Variants in LMO1 observed in about 807,000 individuals in gnomAD.
LMO1 encodes rhombotin-1.
LMO1 carries 10 observed loss-of-function variants against 18.0 expected under a neutral mutation model. The observed-to-expected ratio is 0.55, with a 90% CI of 0.34 to 0.94. The LOEUF (loss-of-function observed/expected upper bound fraction) is 0.94. Among genes scored for constraint, LMO1 ranks in the 40% least tolerant of loss-of-function variants. The pLI, the probability that LMO1 is intolerant of heterozygous loss-of-function variation, is 0.02. For synonymous variants in LMO1, 77 were observed against 77.9 expected, an observed-to-expected ratio of 0.99 and a Z score of 0.06; for missense variants, 183 against 205.7, an observed-to-expected ratio of 0.89 and a Z score of 0.68.
At chr11:8,230,227 G>A (rs1952628371) in intron 2 of LMO1, 64 bp downstream of exon 2, 5 of 1,464,466 alleles carry the variant, frequency 3.4e-6, no homozygotes, top group African/African-American at 2.8e-5. Flanking sequence ...GTCACGCTGG[G>A]GCTGAGGATG....
At position 8,226,896 on chromosome 11, in the gene LMO1, C is replaced by T. The variant is rs554442195; in HGVS notation, c.365+79G>A. The T allele has an allele frequency of 1.5e-4, 230 of 1,520,322 alleles. No individual in the cohort carries two copies. The African/African-American group carries it at 2.4e-3, about 16-fold the overall frequency. 94.2% of individuals were successfully genotyped at this position (1,520,322 alleles called of 1,614,324 possible). ...CAACCCGCATTTGCGTGCACGCCTC[C>T]GCCGTGCTCCTGGCCCATCCCAGCA... On this transcript the variant is annotated intron_variant, in intron 3 of 3. Coordinates refer to ENST00000335790, the MANE Select transcript of LMO1 (RefSeq NM_002315.3).
intron 1 of LMO1, among the ~76,000 whole-genome samples, chr11:8,236,956 A>G (rs370337435): frequency 1.3e-5 from 2 of 152,356 alleles, no homozygotes; most frequent in South Asian, 2.1e-4. Flanking sequence ...TAGTCTCTTA[A>G]AAGACTACAG....
At chr11:8,268,691 G>T (rs1249225490), upstream of LMO1, 7 of 272,122 alleles carry the variant, frequency 2.6e-5, no homozygotes, top group Non-Finnish European at 4.1e-5. Flanking sequence ...GATCGCGGGA[G>T]CCTCGCGAGC....
intron 1 of LMO1, among the ~76,000 whole-genome samples, chr11:8,240,884 T>C (rs1846779091): frequency 6.6e-6 from 1 of 151,764 alleles, no homozygotes; most frequent in Admixed American, 6.6e-5. Context: ...GTAGATGCAG[T>C]CTGCTCTCAC....
intron 1 of LMO1, among the ~76,000 whole-genome samples, chr11:8,234,248 C>T (rs1462575411): frequency 6.6e-6 from 1 of 152,118 alleles, no homozygotes; most frequent in Non-Finnish European, 1.5e-5. Context: ...ATCTGGCTGC[C>T]AGACACTCAC....
intron 1 of LMO1, among the ~76,000 whole-genome samples, chr11:8,249,240 C>G (rs1016174820): frequency 6.6e-6 from 1 of 152,182 alleles, no homozygotes; most frequent in African/African-American, 2.4e-5. Flanking sequence ...CCTGCACAGA[C>G]CCAGACTGCG....
upstream of LMO1, among the ~76,000 whole-genome samples, chr11:8,267,049 G>A (rs1295262310): frequency 6.6e-6 from 1 of 152,246 alleles, no homozygotes; most frequent in Non-Finnish European, 1.5e-5. Flanking sequence ...GCAACCCGCT[G>A]GAGTGAAGAA....
At chr11:8,227,241 G>T (rs926280816) in intron 2 of LMO1, 141 bp from the exon 3 acceptor site, 5 of 1,355,556 alleles carry the variant, frequency 3.7e-6, no homozygotes, top group Non-Finnish European at 4.9e-6. Context: ...TAGGATAAGA[G>T]CACTGAGGGC....
intron 1 of LMO1, among the ~76,000 whole-genome samples, chr11:8,236,121 A>C (rs1952757343): frequency 6.6e-6 from 1 of 152,108 alleles, no homozygotes; most frequent in South Asian, 2.1e-4. Flanking sequence ...TGCTGTGGCA[A>C]CTCAGAGGGT....
At chr11:8,261,592 C>T (rs980234717) in intron 1 of LMO1, among the ~76,000 whole-genome samples, 1 of 152,172 alleles carries the variant, frequency 6.6e-6, no homozygotes, top group African/African-American at 2.4e-5. Context: ...TGCCAAATAA[C>T]CTCTGCTAAA....
chr11:8,263,274 T>G, intron 1 of LMO1, 64 bp downstream of exon 1: 1 of 1,537,528 alleles, frequency 6.5e-7, no homozygotes, highest in Non-Finnish European at 8.8e-7. Flanking sequence ...CGCGTGTGTG[T>G]GCCTGCGCGC....
chr11:8,262,947 G>A lies in LMO1; in HGVS notation c.25+391C>T, dbSNP rs146280416. On this transcript the variant is annotated intron_variant, in intron 1 of 3. Transcript: ENST00000335790. ...GGGTTACGCGGCGGCTGGCGCGAGG[G>A]TGATGGCTGCGGTGAGAGCAGCAGC... Among the ~76,000 whole-genome samples the A allele has an allele frequency of 5.9e-5, 9 of 152,346 alleles. No homozygotes were observed. The East Asian group carries it at 1.4e-3, about 23-fold the overall frequency.
At chr11:8,264,500 A>C (rs11041836), upstream of LMO1, among the ~76,000 whole-genome samples, 18,952 of 152,198 alleles carry the variant, frequency 0.12, 1,484 homozygotes, top group Non-Finnish European at 0.18. Flanking sequence ...ATAAGGCAGG[A>C]AAAGAGACAG....
chr11:8,237,961 C>A (rs1344674230), intron 1 of LMO1, among the ~76,000 whole-genome samples: 1 of 152,178 alleles, frequency 6.6e-6, no homozygotes, highest in Non-Finnish European at 1.5e-5. Flanking sequence ...ATTGGATAAT[C>A]AACATGAAGT....
intron 1 of LMO1, among the ~76,000 whole-genome samples, chr11:8,250,227 C>T (rs773705357): frequency 6.6e-6 from 1 of 152,198 alleles, no homozygotes; most frequent in Admixed American, 6.5e-5. Context: ...CCTGAGCCAA[C>T]TTCTGCAGAT....
At chr11:8,234,947 G>A (rs898478276) in intron 1 of LMO1, among the ~76,000 whole-genome samples, 20 of 152,170 alleles carry the variant, frequency 1.3e-4, no homozygotes, top group African/African-American at 3.4e-4. Flanking sequence ...GTTTCAAGTC[G>A]GAACTGCTCC....
rs376960083 is a variant in LMO1 at position 8,263,451 on chromosome 11, G to T, written c.-89C>A. 61 of 1,561,090 alleles carry T rather than the reference G, an allele frequency of 3.9e-5. No homozygotes were observed. The highest frequency in any genetic ancestry group is 5.0e-5 in the Non-Finnish European group (58 of 1,161,892). On this transcript the variant is annotated 5_prime_UTR_variant, in exon 1 of 4. Transcript: ENST00000335790. ...CGCTTTGGAGGGGCGGCCGGTCTTCGGGCAGCTAGCGGGCTCTAATTACCC... is the reference window on the plus strand; with the variant it reads ...CGCTTTGGAGGGGCGGCCGGTCTTCTGGCAGCTAGCGGGCTCTAATTACCC...
At chr11:8,257,356 C>T (rs1847114255) in intron 1 of LMO1, among the ~76,000 whole-genome samples, 1 of 152,230 alleles carries the variant, frequency 6.6e-6, no homozygotes, top group African/African-American at 2.4e-5. Context: ...ATAGGAACCT[C>T]TGGGGCTTCT....
At chr11:8,238,815 C>T (rs1480144036) in intron 1 of LMO1, among the ~76,000 whole-genome samples, 1 of 151,944 alleles carries the variant, frequency 6.6e-6, no homozygotes, top group Non-Finnish European at 1.5e-5. Flanking sequence ...CATACCTGTA[C>T]AAAAATTCAC....
Sources: allele counts gnomAD v4.1 joint callset (sites outside exome capture counted in the v4.1 genomes callset), GRCh38; gene constraint gnomAD v4.1.1; transcripts MANE v1.5; gene names NCBI Gene and HGNC (gene_info 2026-07-23, HGNC 2026-07-21).